The following CCSER1 variants were observed in gnomAD, a reference collection of about 807,000 sequenced individuals.
CCSER1 encodes the protein serine-rich coiled-coil domain-containing protein 1.
CCSER1 carries 41 observed loss-of-function variants against 82.0 expected under a neutral mutation model. The observed-to-expected ratio is 0.50, with a 90% CI of 0.39 to 0.65. The LOEUF is 0.65. CCSER1 is among the 30% of genes least tolerant of loss of function. The pLI is 0.00. For missense variants in CCSER1, 1,119 were observed against 1,064.2 expected (o/e 1.05, Z -0.72); for synonymous variants, 414 against 383.9 (o/e 1.08, Z -0.92).
intron 10 of CCSER1, among the ~76,000 whole-genome samples, chr4:91,162,094 A>T (rs1359758086): frequency 6.6e-6 from 1 of 151,998 alleles, no homozygotes; most frequent in African/African-American, 2.4e-5. Flanking sequence ...TCTTATTTTG[A>T]GATACATTCC....
intron 7 of CCSER1, among the ~76,000 whole-genome samples, chr4:90,774,613 C>T (rs1374569664): frequency 1.3e-5 from 2 of 152,094 alleles, no homozygotes; most frequent in South Asian, 2.1e-4. Flanking sequence ...CTGATAAATC[C>T]CTTTTTGCTA....
Position 91,185,779 on chromosome 4 carries a change from A to T in CCSER1, c.2217+99785A>T, listed in dbSNP as rs111403086. Among the ~76,000 whole-genome samples, 149 of 152,158 alleles carry T rather than the reference A, an allele frequency of 9.8e-4. 1 individual carries two copies. Among genetic ancestry groups the T allele is most frequent in the Middle Eastern group, 6.8e-3 (2 of 294 alleles). ...GGCCTGACTCTCTGAATTTTTCTAC[A>T]TTCCTTTTTAGTATGACCATGCTTC... On this transcript the variant is annotated intron_variant, in intron 10 of 10. Transcript: ENST00000509176.
chr4:91,595,943 T>TAAAAAAAAAAAAAAAAAAAAAAAACA (rs1764551558), intron 10 of CCSER1, among the ~76,000 whole-genome samples: 1 of 78,886 alleles, frequency 1.3e-5, no homozygotes, highest in Non-Finnish European at 2.3e-5. Flanking sequence ...ACAGAGAACT[T>TAAAAAAAAAAAAAAAAAAAAAAAACA]AAAAAAAAAA....
chr4:91,323,583 A>G (rs1746345773), intron 10 of CCSER1, among the ~76,000 whole-genome samples: 1 of 152,174 alleles, frequency 6.6e-6, no homozygotes, highest in Non-Finnish European at 1.5e-5. Flanking sequence ...CACATTTAAG[A>G]TACATAGGTT....
chr4:90,991,823 G>A lies in CCSER1; in HGVS notation c.2172+68376G>A, dbSNP rs780104893. On this transcript the variant is annotated intron_variant, in intron 9 of 10. Coordinates refer to ENST00000509176, the MANE Select transcript of CCSER1 (RefSeq NM_001145065.2). ...TCCCCATCTCTCTCCTTTTTTCAGC[G>A]AAGATTCTGAAACAAATAGTTTATA... is the stretch of plus-strand genomic sequence containing the variant. 9.2e-5 allele frequency among the ~76,000 whole-genome samples: 14 copies of A among 151,954 alleles called. No individual in the cohort carries two copies. The South Asian group carries it at 2.1e-3, about 22-fold the overall frequency.
At chr4:90,428,840 CAAGG>C (rs1757880341) in intron 4 of CCSER1, among the ~76,000 whole-genome samples, 1 of 151,664 alleles carries the variant, frequency 6.6e-6, no homozygotes, top group African/African-American at 2.4e-5. Context: ...TTATCAAAAA[CAAGG>C]AAAGTCTGAG....
chr4:90,286,248 T>G (rs1373113809), intron 1 of CCSER1, among the ~76,000 whole-genome samples: 1 of 152,052 alleles, frequency 6.6e-6, no homozygotes, highest in Non-Finnish European at 1.5e-5. Flanking sequence ...AAGTTAGCAG[T>G]AAAGCTATCA....
intron 8 of CCSER1, among the ~76,000 whole-genome samples, chr4:90,913,626 A>G (rs1250077935): frequency 1.3e-5 from 2 of 152,202 alleles, no homozygotes; most frequent in African/African-American, 2.4e-5. Flanking sequence ...GACAGGATCA[A>G]ATTCACACAT....
At chr4:90,625,333 T>A (rs533778891) in intron 5 of CCSER1, among the ~76,000 whole-genome samples, 1 of 152,284 alleles carries the variant, frequency 6.6e-6, no homozygotes, top group African/African-American at 2.4e-5. Flanking sequence ...TGGCTATTGA[T>A]CAAAACATTA....
intron 7 of CCSER1, among the ~76,000 whole-genome samples, chr4:90,789,388 T>G (rs1754937516): frequency 6.6e-6 from 1 of 152,192 alleles, no homozygotes; most frequent in Non-Finnish European, 1.5e-5. Context: ...CACTTTTTTG[T>G]TTTTCAACTG....
At chr4:90,988,873 G>GT (rs1315592347) in intron 9 of CCSER1, among the ~76,000 whole-genome samples, 2 of 151,788 alleles carry the variant, frequency 1.3e-5, no homozygotes, top group South Asian at 2.1e-4. Context: ...GTTTTGTGGG[G>GT]TTTTTTATTT....
intron 10 of CCSER1, among the ~76,000 whole-genome samples, chr4:91,166,729 T>C (rs1007436751): frequency 3.9e-5 from 6 of 152,156 alleles, no homozygotes; most frequent in African/African-American, 1.4e-4. Context: ...GTTGTTGTTG[T>C]TTTTTTAACC....
intron 10 of CCSER1, among the ~76,000 whole-genome samples, chr4:91,529,406 T>A (rs1560740908): frequency 6.6e-6 from 1 of 152,212 alleles, no homozygotes; most frequent in East Asian, 1.9e-4. Context: ...TTATCAGTTG[T>A]TTTTCAATCA....
intron 5 of CCSER1, among the ~76,000 whole-genome samples, chr4:90,616,021 G>A (rs1413978743): frequency 6.6e-6 from 1 of 152,140 alleles, no homozygotes; most frequent in Non-Finnish European, 1.5e-5. Context: ...CCTCTCACTA[G>A]CAAAAGATTA....
chr4:90,426,115 A>G (rs1201691470), intron 4 of CCSER1, among the ~76,000 whole-genome samples: 1 of 152,168 alleles, frequency 6.6e-6, no homozygotes, highest in Non-Finnish European at 1.5e-5. Context: ...AGGACTTCAC[A>G]GAGGCCCAAC....
At chr4:90,249,542 T>C (rs1301073535) in intron 1 of CCSER1, among the ~76,000 whole-genome samples, 1 of 152,296 alleles carries the variant, frequency 6.6e-6, no homozygotes, top group Middle Eastern at 3.4e-3. Flanking sequence ...ATATTTTCTG[T>C]CTCTATAGAT....
chr4:90,399,997 T>A (rs771113850), intron 3 of CCSER1, 39 bp from the exon 4 acceptor site: 2 of 1,122,888 alleles, frequency 1.8e-6, no homozygotes, highest in African/African-American at 3.0e-5. Context: ...ATTTACTCAG[T>A]GTTTTGGTTT....
intron 1 of CCSER1, among the ~76,000 whole-genome samples, chr4:90,244,069 T>A (rs915469655): frequency 6.6e-6 from 1 of 152,210 alleles, no homozygotes; most frequent in African/African-American, 2.4e-5. Context: ...TTGAGTATTT[T>A]GAGGATTATT....
intron 5 of CCSER1, among the ~76,000 whole-genome samples, chr4:90,577,674 A>G (rs1285985890): frequency 6.6e-5 from 10 of 152,112 alleles, no homozygotes; most frequent in Non-Finnish European, 1.3e-4. Flanking sequence ...CCTGGAATCC[A>G]AAAGTTCCAA....
Sources: gnomAD v4.1 joint callset for allele counts (sites outside exome capture counted in the v4.1 genomes callset) on GRCh38, gnomAD v4.1.1 for gene constraint, MANE v1.5 for transcripts, NCBI Gene and HGNC (gene_info 2026-07-23, HGNC 2026-07-21) for gene names.